The following BABAM2 variants were observed in gnomAD, a reference collection of about 807,000 sequenced individuals.
BABAM2 encodes BRISC and BRCA1 A complex member 2, also known as BRISC and BRCA1-A complex member 2.
Under a neutral mutation model 54.7 loss-of-function variants are expected in BABAM2, and 31 were observed. The observed-to-expected ratio is 0.57, with a 90% CI of 0.43 to 0.77. BABAM2 has a LOEUF of 0.77. Among genes scored for constraint, BABAM2 ranks in the 30% least tolerant of loss-of-function variants. The pLI, the probability that BABAM2 is intolerant of heterozygous loss-of-function variation, is 0.00. For missense variants in BABAM2, 364 were observed against 455.8 expected, an observed-to-expected ratio of 0.80 and a Z score of 1.83; for synonymous variants, 167 against 162.9, an observed-to-expected ratio of 1.03 and a Z score of -0.19.
chr2:28,086,987 C>A (rs937969660), intron 6 of BABAM2, among the ~76,000 whole-genome samples: 2 of 152,156 alleles, frequency 1.3e-5, no homozygotes, highest in Non-Finnish European at 2.9e-5. Flanking sequence ...TCCGGGAATG[C>A]AAAATTAATT....
At chr2:28,292,499 C>G (rs1398646086) in intron 10 of BABAM2, among the ~76,000 whole-genome samples, 1 of 152,166 alleles carries the variant, frequency 6.6e-6, no homozygotes, top group Non-Finnish European at 1.5e-5. Flanking sequence ...CTGCACGTAT[C>G]AGAAGACCCT....
chr2:28,005,283 A>G (rs908344426), intron 4 of BABAM2, among the ~76,000 whole-genome samples: 3 of 152,210 alleles, frequency 2.0e-5, no homozygotes, highest in Non-Finnish European at 4.4e-5. Context: ...AATCTGTCAT[A>G]GTGATTGTCA....
intron 11 of BABAM2, among the ~76,000 whole-genome samples, chr2:28,333,536 C>G (rs1691148777): frequency 6.6e-6 from 1 of 152,234 alleles, no homozygotes; most frequent in Non-Finnish European, 1.5e-5. Flanking sequence ...GCTCTGAATT[C>G]ATGGGAAACC....
intron 7 of BABAM2, among the ~76,000 whole-genome samples, chr2:28,144,236 TCAA>T (rs1166419728): frequency 2.0e-5 from 3 of 152,230 alleles, no homozygotes; most frequent in African/African-American, 7.2e-5. Context: ...GTCATCATCA[TCAA>T]CATCAACATC....
intron 6 of BABAM2, among the ~76,000 whole-genome samples, chr2:28,114,480 A>G (rs756521695): frequency 6.6e-6 from 1 of 152,170 alleles, no homozygotes; most frequent in Non-Finnish European, 1.5e-5. Context: ...ATTACCTTGT[A>G]GGATCTCCTA....
At chr2:28,040,294 C>CTTTTTTTTATTTTTT (rs1676970650) in intron 5 of BABAM2, among the ~76,000 whole-genome samples, 1 of 59,470 alleles carries the variant, frequency 1.7e-5, no homozygotes, top group Non-Finnish European at 3.0e-5. Context: ...AAACTGAATT[C>CTTTTTTTTATTTTTT]TTTTTTTTTT....
intron 10 of BABAM2, among the ~76,000 whole-genome samples, chr2:28,262,656 G>C (rs1684631964): frequency 6.6e-6 from 1 of 152,158 alleles, no homozygotes; most frequent in Non-Finnish European, 1.5e-5. Context: ...CAGAGTTGGA[G>C]ATGTTGAGCT....
chr2:28,160,431 C>T (rs545945267), intron 7 of BABAM2, among the ~76,000 whole-genome samples: 2 of 152,264 alleles, frequency 1.3e-5, no homozygotes, highest in Non-Finnish European at 2.9e-5. Context: ...AGAACATTTT[C>T]TTCTGTTCAG....
chr2:28,012,902 C>G (rs1243231257), intron 4 of BABAM2, among the ~76,000 whole-genome samples: 1 of 152,146 alleles, frequency 6.6e-6, no homozygotes, highest in African/African-American at 2.4e-5. Flanking sequence ...TCTTCGCTCT[C>G]CACTTCTCTC....
chr2:27,898,880 A>G (rs761175412), intron 2 of BABAM2, among the ~76,000 whole-genome samples: 2 of 152,106 alleles, frequency 1.3e-5, no homozygotes, highest in African/African-American at 2.4e-5. Context: ...AGCTTTGGGA[A>G]TAGATGAAGA....
At chr2:27,964,268 A>C (rs1367439924) in intron 3 of BABAM2, among the ~76,000 whole-genome samples, 1 of 152,160 alleles carries the variant, frequency 6.6e-6, no homozygotes, top group Non-Finnish European at 1.5e-5. Context: ...ACCACACTTG[A>C]CCGCTCAAAC....
At chr2:28,249,272 A>G (rs895204315) in intron 10 of BABAM2, among the ~76,000 whole-genome samples, 28 of 151,950 alleles carry the variant, frequency 1.8e-4, no homozygotes, top group African/African-American at 5.8e-4. Context: ...TATTTTTAGT[A>G]GAGACCGGGT....
intron 11 of BABAM2, among the ~76,000 whole-genome samples, chr2:28,336,428 T>G: frequency 6.7e-6 from 1 of 149,738 alleles, no homozygotes; most frequent in Non-Finnish European, 1.5e-5. Context: ...GTCCCACAGG[T>G]GGTTGGAGAC....
intron 7 of BABAM2, among the ~76,000 whole-genome samples, chr2:28,192,954 CCT>C (rs1291400301): frequency 6.6e-6 from 1 of 151,834 alleles, no homozygotes; most frequent in Non-Finnish European, 1.5e-5. Flanking sequence ...GGGTGGATCG[CCT>C]GAGGTCAGGA....
At chr2:27,889,210 C>T (rs537963220), upstream of BABAM2, among the ~76,000 whole-genome samples, 4 of 152,028 alleles carry the variant, frequency 2.6e-5, no homozygotes, top group Non-Finnish European at 4.4e-5. Flanking sequence ...ACATGAAGAC[C>T]CTAGACCTAT....
chr2:27,994,644 C>G (rs1673011315), intron 4 of BABAM2, among the ~76,000 whole-genome samples: 1 of 152,190 alleles, frequency 6.6e-6, no homozygotes, highest in African/African-American at 2.4e-5. Context: ...GTTGTTCATG[C>G]TCATTGCTGA....
intron 11 of BABAM2, among the ~76,000 whole-genome samples, chr2:28,332,464 G>A (rs958633781): frequency 4.6e-5 from 7 of 152,174 alleles, no homozygotes; most frequent in African/African-American, 1.7e-4. Flanking sequence ...TACAGGTGAG[G>A]AAATGGAGTC....
chr2:28,016,080 G>T, intron 4 of BABAM2: 1 of 795,568 alleles, frequency 1.3e-6, no homozygotes, highest in Non-Finnish European at 2.1e-6. Flanking sequence ...TATGTGAACG[G>T]TTCTTTTTCT....
chr2:28,117,932 A>T (rs529314079), intron 6 of BABAM2, among the ~76,000 whole-genome samples: 75 of 152,332 alleles, frequency 4.9e-4, no homozygotes, highest in African/African-American at 1.8e-3. Flanking sequence ...AAGTGAATAC[A>T]TCTTCTACCT....
Sources: gnomAD v4.1 joint callset for allele counts (sites outside exome capture counted in the v4.1 genomes callset) on GRCh38, gnomAD v4.1.1 for gene constraint, MANE v1.5 for transcripts, NCBI Gene and HGNC (gene_info 2026-07-23, HGNC 2026-07-21) for gene names.